NIPAL2: variants seen among roughly 807,000 people sequenced by gnomAD.
NIPAL2 encodes NIPA like domain containing 2, also known as NIPA-like protein 2.
In NIPAL2, 43 loss-of-function variants were observed where a neutral mutation model predicts 48.9. The ratio of observed to expected loss-of-function variants is 0.88; its 90% confidence interval spans 0.69 to 1.13. NIPAL2 has a LOEUF of 1.13. Among genes scored for constraint, NIPAL2 ranks in the 50% most tolerant of loss-of-function variants. NIPAL2 has a pLI of 0.00. For synonymous variants in NIPAL2, 167 were observed against 174.6 expected, an observed-to-expected ratio of 0.96 and a Z score of 0.34; for missense variants, 446 against 461.4, an observed-to-expected ratio of 0.97 and a Z score of 0.31.
intron 3 of NIPAL2, among the ~76,000 whole-genome samples, chr8:98,248,342 G>A (rs1051684581): frequency 8.5e-5 from 13 of 152,154 alleles, no homozygotes; most frequent in African/African-American, 3.1e-4. Flanking sequence ...CCATTATAAA[G>A]AATAAGGTAT....
chr8:98,226,558 T>A (rs993298085), intron 4 of NIPAL2, among the ~76,000 whole-genome samples: 30 of 152,188 alleles, frequency 2.0e-4, no homozygotes, highest in Admixed American at 2.0e-3. Flanking sequence ...TCTTGTTCTC[T>A]TCTCTTACTT....
At chr8:98,261,680 TG>T (rs1814343948) in intron 1 of NIPAL2, among the ~76,000 whole-genome samples, 1 of 138,796 alleles carries the variant, frequency 7.2e-6, no homozygotes. Flanking sequence ...ATGGGGAGAA[TG>T]GAACCAAGTT....
At chr8:98,198,355 T>G (rs1810650102) in intron 8 of NIPAL2, among the ~76,000 whole-genome samples, 1 of 152,240 alleles carries the variant, frequency 6.6e-6, no homozygotes, top group African/African-American at 2.4e-5. Context: ...AGAGTAGATT[T>G]AGCATAATTC....
At chr8:98,229,710 A>G (rs185277223) in intron 4 of NIPAL2, among the ~76,000 whole-genome samples, 21 of 152,298 alleles carry the variant, frequency 1.4e-4, no homozygotes, top group African/African-American at 5.1e-4. Flanking sequence ...TGTTCTTAAA[A>G]TTATTGAGTT....
rs1168380908 is a variant in NIPAL2 at position 98,294,017 on chromosome 8, A to G, written c.121T>C (p.Tyr41His). Reference protein sequence around the residue: ...AGNGSLSGDWYRRNQIHLFGV... With the variant: ...AGNGSLSGDWHRRNQIHLFGV... ...GCGGCCCTTACCTGGTTCCTGCGGT[A>G]CCAGTCGCCCGAGAGGGAGCCGTTG... is the stretch of plus-strand genomic sequence containing the variant. Residue 41 changes from tyrosine to histidine, a missense_variant, in exon 1 of 11, where the codon TAC (tyrosine) becomes CAC (histidine). Transcript: ENST00000430223. 4 of 1,493,720 alleles carry G rather than the reference A, an allele frequency of 2.7e-6. No homozygotes were observed. The highest frequency in any genetic ancestry group is 3.6e-6 in the Non-Finnish European group (4 of 1,121,296). The allele number at this position is 1,493,720 out of a possible 1,614,324, so 92.5% of individuals were successfully genotyped here. A position where few individuals can be genotyped will look rare whatever the true frequency, so the allele number is the denominator to read the frequency against.
At chr8:98,202,030 A>C (rs530392761) in intron 8 of NIPAL2, among the ~76,000 whole-genome samples, 1 of 152,264 alleles carries the variant, frequency 6.6e-6, no homozygotes, top group Non-Finnish European at 1.5e-5. Flanking sequence ...AGGGCATACC[A>C]GTACCAAATA....
intron 1 of NIPAL2, among the ~76,000 whole-genome samples, chr8:98,291,220 A>G: frequency 6.6e-6 from 1 of 152,136 alleles, no homozygotes; most frequent in East Asian, 1.9e-4. Context: ...TTTCTACCTT[A>G]TAGTCAGTCT....
intron 1 of NIPAL2, among the ~76,000 whole-genome samples, chr8:98,292,993 C>T (rs1445785982): frequency 6.6e-6 from 1 of 152,066 alleles, no homozygotes; most frequent in Non-Finnish European, 1.5e-5. Context: ...CTCTTGAAAA[C>T]TAATAAAGTG....
intron 1 of NIPAL2, among the ~76,000 whole-genome samples, chr8:98,259,438 A>G (rs1297822155): frequency 6.6e-6 from 1 of 152,216 alleles, no homozygotes; most frequent in Non-Finnish European, 1.5e-5. Flanking sequence ...GAAAGGTATA[A>G]ACTATTACAT....
intron 3 of NIPAL2, among the ~76,000 whole-genome samples, chr8:98,247,287 T>C (rs999098089): frequency 6.6e-6 from 1 of 152,178 alleles, no homozygotes; most frequent in Non-Finnish European, 1.5e-5. Context: ...CAGGCTGCAT[T>C]TTGTGATTTC....
intron 3 of NIPAL2, among the ~76,000 whole-genome samples, chr8:98,252,019 A>T (rs1813612498): frequency 6.6e-6 from 1 of 152,222 alleles, no homozygotes; most frequent in South Asian, 2.1e-4. Flanking sequence ...ACACATTCTT[A>T]TAGTAATGTA....
At chr8:98,293,043 A>G (rs983974186) in intron 1 of NIPAL2, among the ~76,000 whole-genome samples, 5 of 152,246 alleles carry the variant, frequency 3.3e-5, no homozygotes, top group Admixed American at 2.0e-4. Context: ...ATACAAATAT[A>G]TTCTCTTCTG....
At chr8:98,216,077 T>C (rs563476522) in intron 5 of NIPAL2, among the ~76,000 whole-genome samples, 2 of 152,228 alleles carry the variant, frequency 1.3e-5, no homozygotes, top group African/African-American at 4.8e-5. Flanking sequence ...CCTATGGCCA[T>C]AGCATATGGC....
At chr8:98,260,757 C>A (rs1340009639) in intron 1 of NIPAL2, among the ~76,000 whole-genome samples, 3 of 152,242 alleles carry the variant, frequency 2.0e-5, no homozygotes, top group Admixed American at 1.3e-4. Flanking sequence ...CCGGGAAGCT[C>A]CAACTGGGCG....
At chr8:98,206,506 G>T (rs1381546973) in intron 6 of NIPAL2, among the ~76,000 whole-genome samples, 4 of 151,958 alleles carry the variant, frequency 2.6e-5, no homozygotes, top group African/African-American at 9.7e-5. Flanking sequence ...ATCATAATTG[G>T]CCGGGCGCGG....
chr8:98,193,983 C>T (rs1810424535), intron 10 of NIPAL2, among the ~76,000 whole-genome samples: 1 of 152,134 alleles, frequency 6.6e-6, no homozygotes, highest in Non-Finnish European at 1.5e-5. Context: ...ATTTCTCAGT[C>T]TTAGGGATGA....
chr8:98,254,177 G>A (rs1813748847), intron 1 of NIPAL2, 90 bp from the exon 2 acceptor site: 1 of 1,034,396 alleles, frequency 9.7e-7, no homozygotes. Context: ...CATTTGTTCA[G>A]TAATTCAGCT....
At chr8:98,193,502 C>T (rs1392447649) in intron 10 of NIPAL2, 2 of 1,276,978 alleles carry the variant, frequency 1.6e-6, no homozygotes, top group Non-Finnish European at 2.3e-6. Flanking sequence ...ATGCACTGAG[C>T]TTTGTGAAAT....
intron 4 of NIPAL2, among the ~76,000 whole-genome samples, chr8:98,229,642 T>C (rs1275984484): frequency 6.6e-6 from 1 of 152,226 alleles, no homozygotes; most frequent in African/African-American, 2.4e-5. Flanking sequence ...CCTCCTAAAG[T>C]GCTGGAATTA....
Sources: allele counts gnomAD v4.1 joint callset (sites outside exome capture counted in the v4.1 genomes callset), GRCh38; gene constraint gnomAD v4.1.1; transcripts MANE v1.5; gene names NCBI Gene and HGNC (gene_info 2026-07-23, HGNC 2026-07-21).